Variants in CDKN2C observed in about 807,000 individuals in gnomAD.
CDKN2C encodes the protein cyclin dependent kinase inhibitor 2C.
A neutral mutation model predicts 11.0 loss-of-function variants in CDKN2C; 5 were observed. The observed-to-expected ratio is 0.45, with a 90% CI of 0.24 to 0.95. CDKN2C has a LOEUF of 0.95. CDKN2C is among the 40% of genes least tolerant of loss of function. The probability of loss-of-function intolerance (pLI) is 0.21; values close to 1 mark genes in which losing one functional copy is unlikely to be tolerated. For synonymous variants in CDKN2C, 79 were observed against 88.3 expected (o/e 0.89, Z 0.59); for missense variants, 161 against 211.9 (o/e 0.76, Z 1.49).
upstream of CDKN2C, among the ~76,000 whole-genome samples, chr1:50,965,321 A>G (rs1645343090): frequency 6.6e-6 from 1 of 152,038 alleles, no homozygotes; most frequent in East Asian, 1.9e-4. Context: ...AACGTGGTGA[A>G]ACCCCATCTC....
chr1:50,972,593 C>T (rs1645386563), intron 1 of CDKN2C, among the ~76,000 whole-genome samples: 1 of 151,782 alleles, frequency 6.6e-6, no homozygotes, highest in East Asian at 1.9e-4. Flanking sequence ...TATAAATAAA[C>T]CAGTGTAAAT....
At chr1:50,961,398 T>C (rs1261386029) in intron 1 of CDKN2C, among the ~76,000 whole-genome samples, 2 of 152,230 alleles carry the variant, frequency 1.3e-5, no homozygotes, top group Non-Finnish European at 2.9e-5. Context: ...TTTCAACCCA[T>C]GGTCAGAAAT....
chr1:50,967,808 C>G (rs1175223757), upstream of CDKN2C: 2 of 152,172 alleles, frequency 1.3e-5, no homozygotes, highest in East Asian at 3.8e-4. Context: ...CCCCAAAATC[C>G]AAGCCACTTC....
chr1:50,966,087 CTTT>C (rs200248880), upstream of CDKN2C, among the ~76,000 whole-genome samples: 3 of 134,932 alleles, frequency 2.2e-5, no homozygotes, highest in Admixed American at 7.4e-5. Context: ...TTCTATGTCT[CTTT>C]TTTTTTTTTT....
intron 1 of CDKN2C, 139 bp downstream of exon 1, chr1:50,970,636 C>CT (rs1249180498): frequency 3.2e-6 from 3 of 948,572 alleles, no homozygotes; most frequent in African/African-American, 1.6e-5. Flanking sequence ...TATTTTATAT[C>CT]TTTAAGTGGA....
chr1:50,972,693 C>T (rs3176466), intron 1 of CDKN2C, among the ~76,000 whole-genome samples: 22,383 of 152,022 alleles, frequency 0.15, 2,385 homozygotes, highest in African/African-American at 0.31. Flanking sequence ...CTACAAGATA[C>T]TTTATAAGAG....
intron 1 of CDKN2C, among the ~76,000 whole-genome samples, chr1:50,964,859 G>A (rs1431675487): frequency 6.6e-6 from 1 of 151,664 alleles, no homozygotes; most frequent in Non-Finnish European, 1.5e-5. Flanking sequence ...TTCGAGACCA[G>A]CCTGACCAAC....
chr1:50,972,963 T>C (rs551251699), intron 1 of CDKN2C, among the ~76,000 whole-genome samples: 1 of 152,312 alleles, frequency 6.6e-6, no homozygotes, highest in African/African-American at 2.4e-5. Context: ...TATTTTTTCT[T>C]CTTTTGCTCA....
chr1:50,964,623 T>C (rs1645338200), intron 1 of CDKN2C, among the ~76,000 whole-genome samples: 2 of 152,206 alleles, frequency 1.3e-5, no homozygotes, highest in African/African-American at 4.8e-5. Context: ...AGTATAAGGT[T>C]TGGAGCCCCA....
chr1:50,965,657 C>A (rs138033469), upstream of CDKN2C, among the ~76,000 whole-genome samples: 366 of 151,850 alleles, frequency 2.4e-3, 3 homozygotes, highest in African/African-American at 8.4e-3. Context: ...TTCAGTGAGC[C>A]ATGATCATGA....
At chr1:50,965,885 C>T (rs1204459592), upstream of CDKN2C, among the ~76,000 whole-genome samples, 1 of 152,024 alleles carries the variant, frequency 6.6e-6, no homozygotes, top group Non-Finnish European at 1.5e-5. Flanking sequence ...ATAAATACAA[C>T]AAAAAGGAAA....
At chr1:50,968,670 C>A (rs1570201402), upstream of CDKN2C, 1 of 152,194 alleles carries the variant, frequency 6.6e-6, no homozygotes, top group South Asian at 2.1e-4. Context: ...CGGCGCCCGG[C>A]CTTCCCGCTC....
intron 1 of CDKN2C, among the ~76,000 whole-genome samples, chr1:50,973,369 C>T (rs1645390351): frequency 6.6e-6 from 1 of 152,202 alleles, no homozygotes; most frequent in African/African-American, 2.4e-5. Context: ...TTTTTACACT[C>T]ACTCATGGAG....
intron 1 of CDKN2C, among the ~76,000 whole-genome samples, chr1:50,970,712 G>T (rs916947626): frequency 3.9e-5 from 6 of 152,148 alleles, no homozygotes. Context: ...TTGATATCAA[G>T]TGGGGTCCAG....
chr1:50,961,569 G>C (rs1373837760), intron 1 of CDKN2C, among the ~76,000 whole-genome samples: 1 of 152,204 alleles, frequency 6.6e-6, no homozygotes, highest in Non-Finnish European at 1.5e-5. Context: ...TACTTGCTTT[G>C]GAAAGTATGT....
chr1:50,970,360 C>T lies in CDKN2C; in HGVS notation c.-9C>T, dbSNP rs961437384. On this transcript the variant is annotated 5_prime_UTR_variant, in exon 1 of 2. Transcript: ENST00000371761. ...ATTCATCTTTTCCTGATCGTCAGGACCCTAAAGAATGGCCGAGCCTTGGGG... is the reference window on the plus strand; with the variant it reads ...ATTCATCTTTTCCTGATCGTCAGGATCCTAAAGAATGGCCGAGCCTTGGGG... The T allele has an allele frequency of 1.2e-6, 2 of 1,613,918 alleles. No homozygotes were observed. Among genetic ancestry groups the T allele is most frequent in the African/African-American group, 1.3e-5 (1 of 74,888 alleles).
chr1:50,972,135 C>G (rs151019701), intron 1 of CDKN2C, among the ~76,000 whole-genome samples: 203 of 152,192 alleles, frequency 1.3e-3, no homozygotes, highest in African/African-American at 4.7e-3. Flanking sequence ...AGGTTAATAT[C>G]AAAGGCCTTA....
At chr1:50,972,149 G>A (rs1271221412) in intron 1 of CDKN2C, among the ~76,000 whole-genome samples, 4 of 152,122 alleles carry the variant, frequency 2.6e-5, no homozygotes, top group East Asian at 1.9e-4. Context: ...GGCCTTAATC[G>A]TATGTTTGCT....
At chr1:50,966,387 G>A (rs1478987767), upstream of CDKN2C, among the ~76,000 whole-genome samples, 2 of 151,996 alleles carry the variant, frequency 1.3e-5, no homozygotes, top group Non-Finnish European at 2.9e-5. Context: ...GGAGCAAAAG[G>A]TTTCCATGAC....
Sources: gnomAD v4.1 joint callset for allele counts (sites outside exome capture counted in the v4.1 genomes callset) on GRCh38, gnomAD v4.1.1 for gene constraint, MANE v1.5 for transcripts, NCBI Gene and HGNC (gene_info 2026-07-23, HGNC 2026-07-21) for gene names.